MEF2A: variants seen among roughly 807,000 people sequenced by gnomAD.
The protein encoded by MEF2A is myocyte-specific enhancer factor 2A.
Under a neutral mutation model 55.8 loss-of-function variants are expected in MEF2A, and 28 were observed. That is an observed-to-expected ratio of 0.50 (90% CI 0.37 to 0.69). The LOEUF (loss-of-function observed/expected upper bound fraction) is 0.69, where lower values mean the gene tolerates loss of function less well. Ranked by LOEUF, MEF2A falls within the 30% of genes least tolerant of loss-of-function variation. MEF2A has a pLI of 0.00. For missense variants in MEF2A, 528 were observed against 626.2 expected (o/e 0.84, Z 1.67); for synonymous variants, 239 against 227.1 (o/e 1.05, Z -0.47).
chr15:99,709,394 A>T (rs2058373069), intron 10 of MEF2A, among the ~76,000 whole-genome samples: 1 of 152,224 alleles, frequency 6.6e-6, no homozygotes, highest in South Asian at 2.1e-4. Context: ...GTGGCGTCCA[A>T]ATGGACATGG....
intron 8 of MEF2A, among the ~76,000 whole-genome samples, chr15:99,702,538 C>T (rs1221065874): frequency 6.6e-6 from 1 of 151,666 alleles, no homozygotes; most frequent in Admixed American, 6.6e-5. Context: ...AGCAATTCTC[C>T]TGCCTCAGTC....
At chr15:99,670,725 A>G (rs1291781604) in intron 4 of MEF2A, among the ~76,000 whole-genome samples, 1 of 152,246 alleles carries the variant, frequency 6.6e-6, no homozygotes, top group Non-Finnish European at 1.5e-5. Context: ...AAATATGTAA[A>G]GTCACTGATA....
intron 4 of MEF2A, among the ~76,000 whole-genome samples, chr15:99,665,932 AAAC>A (rs1262738176): frequency 6.6e-6 from 1 of 152,102 alleles, no homozygotes; most frequent in African/African-American, 2.4e-5. Context: ...AAAAGTCAGG[AAAC>A]AACAGGTGCT....
chr15:99,677,121 C>G (rs35585008), intron 7 of MEF2A, among the ~76,000 whole-genome samples: 9,252 of 144,482 alleles, frequency 0.064, 367 homozygotes, highest in East Asian at 0.18. Context: ...AACGCTGTCT[C>G]AAAAATAAAT....
intron 2 of MEF2A, among the ~76,000 whole-genome samples, chr15:99,627,138 T>C (rs1396248024): frequency 2.7e-5 from 4 of 150,734 alleles, no homozygotes; most frequent in African/African-American, 9.8e-5. Flanking sequence ...CAAAAGGAGG[T>C]GAGGGTGTGA....
chr15:99,611,577 T>C (rs1243581943), intron 2 of MEF2A, among the ~76,000 whole-genome samples: 1 of 152,240 alleles, frequency 6.6e-6, no homozygotes, highest in Non-Finnish European at 1.5e-5. Context: ...CTGGTGGTAA[T>C]GTGAAATGCT....
chr15:99,579,363 A>G (rs1965263888), intron 1 of MEF2A, among the ~76,000 whole-genome samples: 1 of 150,190 alleles, frequency 6.7e-6, no homozygotes. Context: ...TATGTACCAC[A>G]TTCTCTTTCT....
chr15:99,661,911 CT>C (rs897566605), intron 4 of MEF2A, among the ~76,000 whole-genome samples: 1 of 151,674 alleles, frequency 6.6e-6, no homozygotes, highest in East Asian at 1.9e-4. Context: ...ATGGATAAAG[CT>C]TTTTTTTCAA....
At chr15:99,698,785 T>A (rs1196398033) in intron 8 of MEF2A, among the ~76,000 whole-genome samples, 1 of 149,438 alleles carries the variant, frequency 6.7e-6, no homozygotes, top group Non-Finnish European at 1.5e-5. Flanking sequence ...AGAGTGAAAC[T>A]CTGTCTCAAA....
intron 9 of MEF2A, among the ~76,000 whole-genome samples, chr15:99,705,578 C>T (rs980945053): frequency 3.3e-5 from 5 of 152,330 alleles, no homozygotes; most frequent in African/African-American, 1.2e-4. Flanking sequence ...CATGATCTTT[C>T]TCACATCTTC....
Position 99,690,286 on chromosome 15 carries a change from C to T in MEF2A, c.716C>T (p.Ala239Val), listed in dbSNP as rs767312497. 1 of 1,613,778 alleles carries T rather than the reference C, an allele frequency of 6.2e-7. No homozygotes were observed. The highest frequency in any genetic ancestry group is 8.5e-7 in the Non-Finnish European group (1 of 1,179,798). ...NSRASPNLIG[A>V]TGANSLGKVM... Reference sequence around the variant, plus strand: ...AGAGCTTCTCCAAATTTGATTGGAGCTACTGGTGCAAATAGCTTAGGCAAA... The same window carrying T: ...AGAGCTTCTCCAAATTTGATTGGAGTTACTGGTGCAAATAGCTTAGGCAAA... The change falls in exon 8 of 12, where the codon GCT (alanine) becomes GTT (valine). Residue 239 changes from alanine to valine, a missense_variant. By Grantham distance (64) the Ala-to-Val change is moderately conservative. Coordinates refer to ENST00000557942, the MANE Select transcript of MEF2A (RefSeq NM_001319206.4).
At chr15:99,571,145 C>G (rs1416485389) in intron 1 of MEF2A, among the ~76,000 whole-genome samples, 1 of 151,516 alleles carries the variant, frequency 6.6e-6, no homozygotes, top group Non-Finnish European at 1.5e-5. Context: ...GATCGTGCCA[C>G]TGCACTCCAG....
chr15:99,633,003 C>T lies in MEF2A; in HGVS notation c.-117C>T, dbSNP rs1374289007. 2 of 736,798 alleles carry T rather than the reference C, an allele frequency of 2.7e-6. No individual in the cohort carries two copies. The highest frequency in any genetic ancestry group is 4.4e-6 in the Non-Finnish European group (2 of 451,608). 45.6% of individuals were successfully genotyped at this position (736,798 alleles called of 1,614,324 possible). On this transcript the variant is annotated 5_prime_UTR_variant, in exon 3 of 12. Transcript: ENST00000557942. ...ATCTTGTAGAAAATTTCAGCTGTAG[C>T]CCTTGGACTAGAAGCTGAAATAACA...
At position 99,605,845 on chromosome 15, in the gene MEF2A, C is replaced by G. The variant is rs565480291; in HGVS notation, c.-143+7334C>G. Among the ~76,000 whole-genome samples the G allele has an allele frequency of 5.9e-5, 9 of 152,150 alleles. 1 individual carries two copies. The East Asian group carries it at 1.5e-3, about 26-fold the overall frequency. ...ATTAGCCAGGCATGGTGACGCATGC[C>G]TGTAGTCGCAGCCACTCAGCAGGCT... On this transcript the variant is annotated intron_variant, in intron 2 of 11. Coordinates refer to ENST00000557942, the MANE Select transcript of MEF2A (RefSeq NM_001319206.4).
chr15:99,644,671 TACTG>T (rs2045642723), intron 3 of MEF2A, among the ~76,000 whole-genome samples: 1 of 152,248 alleles, frequency 6.6e-6, no homozygotes, highest in African/African-American at 2.4e-5. Flanking sequence ...AGTATATTCT[TACTG>T]ACCTTTCAAA....
At chr15:99,667,792 C>G (rs1259696737) in intron 4 of MEF2A, among the ~76,000 whole-genome samples, 2 of 152,202 alleles carry the variant, frequency 1.3e-5, no homozygotes, top group African/African-American at 4.8e-5. Flanking sequence ...ATTACTCTCA[C>G]TTTTCTACAC....
chr15:99,607,650 A>T (rs574650210), intron 2 of MEF2A, among the ~76,000 whole-genome samples: 1 of 152,308 alleles, frequency 6.6e-6, no homozygotes, highest in South Asian at 2.1e-4. Flanking sequence ...CAAATGAGGG[A>T]GCATTAATTA....
chr15:99,601,295 C>G (rs758081415), intron 2 of MEF2A, among the ~76,000 whole-genome samples: 5 of 152,060 alleles, frequency 3.3e-5, no homozygotes, highest in Non-Finnish European at 7.4e-5. Context: ...TAGATTTCTT[C>G]AAATCATCTG....
intron 4 of MEF2A, among the ~76,000 whole-genome samples, chr15:99,647,524 T>C (rs1044783635): frequency 1.3e-4 from 20 of 152,202 alleles, no homozygotes; most frequent in African/African-American, 4.8e-4. Context: ...CTTACTTCCC[T>C]AGAGAATACG....
Sources: allele counts gnomAD v4.1 joint callset (sites outside exome capture counted in the v4.1 genomes callset), GRCh38; gene constraint gnomAD v4.1.1; transcripts MANE v1.5; gene names NCBI Gene and HGNC (gene_info 2026-07-23, HGNC 2026-07-21).